Variants in TAS1R3 observed in about 807,000 individuals in gnomAD.
The protein encoded by TAS1R3 is taste 1 receptor member 3.
Under a neutral mutation model 46.1 loss-of-function variants are expected in TAS1R3, and 58 were observed. The observed-to-expected ratio is 1.26, with a 90% CI of 1.02 to 1.57. The LOEUF (loss-of-function observed/expected upper bound fraction) is 1.57. Ranked by LOEUF, TAS1R3 falls within the 40% of genes most tolerant of loss-of-function variation. TAS1R3 has a pLI of 0.00. For synonymous variants in TAS1R3, 724 were observed against 544.7 expected, an observed-to-expected ratio of 1.33 and a Z score of -4.58; for missense variants, 1,422 against 1,185.8, an observed-to-expected ratio of 1.20 and a Z score of -2.93.
rs1159295345 is a variant in TAS1R3 at position 1,333,258 on chromosome 1, G to C, written c.1480-1G>C. ...GAGCCAGACCCCAGGCCTGTGCGCA[G>C]AAGCCCGTGTCCCGGTGCTCGCGGC... On this transcript the variant is annotated splice_acceptor_variant, in intron 4 of 5. Coordinates refer to ENST00000339381, the MANE Select transcript of TAS1R3 (RefSeq NM_152228.3). LOFTEE classifies it high-confidence loss of function. 6.3e-7 allele frequency: 1 copy of C among 1,599,086 alleles called. No individual in the cohort carries two copies. Among genetic ancestry groups the C allele is most frequent in the Non-Finnish European group, 8.5e-7 (1 of 1,175,036 alleles).
rs757564143 is a variant in TAS1R3 at position 1,332,606 on chromosome 1, C to G, written c.1075C>G (p.Gln359Glu). The change falls in exon 3 of 6, where the codon CAG becomes GAG. Residue 359 changes from glutamine (Q) to glutamate (E), a missense_variant. Coordinates refer to ENST00000339381, the MANE Select transcript of TAS1R3 (RefSeq NM_152228.3). ...AFCSALGERE[Q>E]GLEEDVVGQR... ...CTGCTCTGCCCTGGGCGAGAGGGAG[C>G]AGGGTCTGGAGGAGGACGTGGTGGG... is the stretch of plus-strand genomic sequence containing the variant. The G allele has an allele frequency of 6.2e-7, 1 of 1,610,866 alleles. No homozygotes were observed. Among genetic ancestry groups the G allele is most frequent in the Non-Finnish European group, 8.5e-7 (1 of 1,179,896 alleles).
chr1:1,334,258 G>A lies in TAS1R3; in HGVS notation c.2353G>A (p.Val785Met), dbSNP rs1451976207. The A allele has an allele frequency of 3.7e-6, 6 of 1,611,912 alleles. No individual in the cohort carries two copies. The highest frequency in any genetic ancestry group is 1.7e-5 in the Admixed American group (1 of 59,902). The change falls in exon 6 of 6, where the codon GTG becomes ATG. Residue 785 changes from valine to methionine, a missense_variant. By Grantham distance (21) the Val-to-Met change is conservative. Transcript: ENST00000339381. ...CTCCTTTGTGCCCCTCCTGGCCAATGTGCAGGTGGTCCTCAGGCCCGCCGT... is the reference window on the plus strand; with the variant it reads ...CTCCTTTGTGCCCCTCCTGGCCAATATGCAGGTGGTCCTCAGGCCCGCCGT... ...WVSFVPLLANVQVVLRPAVQM... is the reference protein window; with the variant it reads ...WVSFVPLLANMQVVLRPAVQM...
rs751649887 is a variant in TAS1R3 at position 1,331,746 on chromosome 1, T to C, written c.300T>C (p.Phe100=). Residue 100 remains phenylalanine (F), a synonymous_variant, in exon 2 of 6, where the codon TTT becomes TTC. Transcript: ENST00000339381. ...GGCTGCGCCTGGGCTACGACCTCTT[T>C]GATACGTGCTCGGAGCCTGTGGTGG... ...LPGLRLGYDL[F]DTCSEPVVAM... The C allele has an allele frequency of 1.9e-6, 3 of 1,612,920 alleles. No individual in the cohort carries two copies. In the South Asian group the frequency reaches 3.3e-5, roughly 18 times the overall value.
rs1643515717 is a variant in TAS1R3 at position 1,334,615 on chromosome 1, G to A, written c.*151G>A. ...ACCCTGACCCCACAGTGAGCCCTAGGCCTGGAGCACGTGGACACCCCTGTG... is the reference window on the plus strand; with the variant it reads ...ACCCTGACCCCACAGTGAGCCCTAGACCTGGAGCACGTGGACACCCCTGTG... On this transcript the variant is annotated 3_prime_UTR_variant, in exon 6 of 6. Coordinates refer to ENST00000339381, the MANE Select transcript of TAS1R3 (RefSeq NM_152228.3). 2 of 880,712 alleles carry A rather than the reference G, an allele frequency of 2.3e-6. No individual in the cohort carries two copies. The highest frequency in any genetic ancestry group is 5.9e-5 in the Admixed American group (2 of 33,826). The allele number at this position is 880,712 out of a possible 1,614,324, so 54.6% of individuals were successfully genotyped here. A position where few individuals can be genotyped will look rare whatever the true frequency, so the allele number is the denominator to read the frequency against.
At position 1,333,840 on chromosome 1, in the gene TAS1R3, G is replaced by A. The variant is rs772117696; in HGVS notation, c.1935G>A (p.Thr645=). The change falls in exon 6 of 6, where the codon ACG becomes ACA. Residue 645 remains threonine, a synonymous_variant. Transcript: ENST00000339381. ...AQQPLSHLPL[T]GCLSTLFLQA... is the part of the protein sequence containing the mutation. Reference sequence around the variant, plus strand: ...AGCCCTTGTCCCACCTCCCGCTCACGGGCTGCCTGAGCACACTCTTCCTGC... The same window carrying A: ...AGCCCTTGTCCCACCTCCCGCTCACAGGCTGCCTGAGCACACTCTTCCTGC... 1.3e-4 allele frequency: 205 copies of A among 1,600,270 alleles called. 1 individual carries two copies. The highest frequency in any genetic ancestry group is 1.7e-4 in the Non-Finnish European group (195 of 1,179,662).
Position 1,332,442 on chromosome 1 carries a change from T to A in TAS1R3, c.911T>A (p.Leu304Gln), listed in dbSNP as rs1386971392. Reference protein sequence around the residue: ...PKVWVASEAWLTSDLVMGLPG... With the variant: ...PKVWVASEAWQTSDLVMGLPG... ...GTGTGGGTGGCCAGCGAGGCCTGGCTGACCTCTGACCTGGTCATGGGGCTG... is the reference window on the plus strand; with the variant it reads ...GTGTGGGTGGCCAGCGAGGCCTGGCAGACCTCTGACCTGGTCATGGGGCTG... Residue 304 changes from leucine (L) to glutamine (Q), a missense_variant, in exon 3 of 6, where the codon CTG (leucine) becomes CAG (glutamine). Leu to Gln is a moderately radical substitution (Grantham distance 113, BLOSUM62 -2). Transcript: ENST00000339381. 55 of 1,608,452 alleles carry A rather than the reference T, an allele frequency of 3.4e-5. No homozygotes were observed. Among genetic ancestry groups the A allele is most frequent in the Non-Finnish European group, 4.5e-5 (53 of 1,179,226 alleles).
At position 1,331,354 on chromosome 1, in the gene TAS1R3, C is replaced by A. The variant is rs764184817; in HGVS notation, c.9C>A (p.Gly3=). 1.3e-6 allele frequency: 2 copies of A among 1,583,018 alleles called. No individual in the cohort carries two copies. Among genetic ancestry groups the A allele is most frequent in the Admixed American group, 1.9e-5 (1 of 53,460 alleles). ML[G]PAVLGLSLWA... ...TGGAAGTTGCCTCTGCCATGCTGGGCCCTGCTGTCCTGGGCCTCAGCCTCT... is the reference window on the plus strand; with the variant it reads ...TGGAAGTTGCCTCTGCCATGCTGGGACCTGCTGTCCTGGGCCTCAGCCTCT... The change falls in exon 1 of 6, where the codon GGC becomes GGA. Residue 3 remains glycine, a synonymous_variant. Transcript: ENST00000339381.
At position 1,333,450 on chromosome 1, in the gene TAS1R3, G is replaced by A. The variant is rs918559025; in HGVS notation, c.1601-56G>A. On this transcript the variant is annotated intron_variant, in intron 5 of 5. Transcript: ENST00000339381. Reference sequence around the variant, plus strand: ...GGGTCCTGCCAAGTCCTGACTCTGAGACCAGAGCCCACAGGGTACAAGACG... The same window carrying A: ...GGGTCCTGCCAAGTCCTGACTCTGAAACCAGAGCCCACAGGGTACAAGACG... 4.0e-5 allele frequency: 65 copies of A among 1,605,452 alleles called. No individual in the cohort carries two copies. In the South Asian group the frequency reaches 4.5e-4, roughly 11 times the overall value.
In TAS1R3 at chr1:1,332,637, G is replaced by A. The variant is rs143359998; in HGVS notation, c.1106G>A (p.Arg369His). ...QGLEEDVVGQ[R>H]CPQCDCITLQ... ...CTGGAGGAGGACGTGGTGGGCCAGC[G>A]CTGCCCGCAGTGTGACTGCATCACG... Residue 369 changes from arginine to histidine, a missense_variant, in exon 3 of 6, where the codon CGC (arginine) becomes CAC (histidine). Arg to His is a conservative substitution (Grantham distance 29, BLOSUM62 0). Coordinates refer to ENST00000339381, the MANE Select transcript of TAS1R3 (RefSeq NM_152228.3). 5.1e-4 allele frequency: 823 copies of A among 1,608,432 alleles called. 1 individual carries two copies. The African/African-American group carries it at 7.3e-3, about 14-fold the overall frequency.
At position 1,332,225 on chromosome 1, in the gene TAS1R3, G is replaced by T; in HGVS notation, c.694G>T (p.Ala232Ser). 1 of 1,592,604 alleles carries T rather than the reference G, an allele frequency of 6.3e-7. No homozygotes were observed. The highest frequency in any genetic ancestry group is 8.5e-7 in the Non-Finnish European group (1 of 1,175,540). ...GAGCATCTTCTCGGCCCTGGCCGCGGCACGCGGCATCTGCATCGCGCACGA... is the reference window on the plus strand; with the variant it reads ...GAGCATCTTCTCGGCCCTGGCCGCGTCACGCGGCATCTGCATCGCGCACGA... ...GLSIFSALAAARGICIAHEGL... is the reference protein window; with the variant it reads ...GLSIFSALAASRGICIAHEGL... The change falls in exon 3 of 6, where the codon GCA (alanine) becomes TCA (serine). Residue 232 changes from alanine to serine, a missense_variant. Transcript: ENST00000339381.
At position 1,334,240 on chromosome 1, in the gene TAS1R3, G is replaced by T; in HGVS notation, c.2335G>T (p.Val779Leu). ...CTACTTCATCACCTGGGTCTCCTTT[G>T]TGCCCCTCCTGGCCAATGTGCAGGT... ...LAYFITWVSFVPLLANVQVVL... is the reference protein window; with the variant it reads ...LAYFITWVSFLPLLANVQVVL... The change falls in exon 6 of 6, where the codon GTG becomes TTG. Residue 779 changes from valine to leucine, a missense_variant. Val to Leu is a conservative substitution (Grantham distance 32, BLOSUM62 1). Transcript: ENST00000339381. 1 of 1,611,524 alleles carries T rather than the reference G, an allele frequency of 6.2e-7. No homozygotes were observed. The highest frequency in any genetic ancestry group is 8.5e-7 in the Non-Finnish European group (1 of 1,179,468).
rs369354921 is a variant in TAS1R3, at chr1:1,331,720, G to A, written c.274G>A (p.Gly92Arg). Residue 92 changes from glycine (G) to arginine (R), a missense_variant, in exon 2 of 6, where the codon GGG (glycine) becomes AGG (arginine). Transcript: ENST00000339381. The part of the protein sequence containing the change: ...EINNKSDLLP[G>R]LRLGYDLFDT... Reference sequence around the variant, plus strand: ...CAACAACAAGTCGGATCTGCTGCCCGGGCTGCGCCTGGGCTACGACCTCTT... The same window carrying A: ...CAACAACAAGTCGGATCTGCTGCCCAGGCTGCGCCTGGGCTACGACCTCTT... The A allele has an allele frequency of 4.2e-5, 68 of 1,612,958 alleles. No homozygotes were observed. In the Middle Eastern group the frequency reaches 4.9e-4, roughly 12 times the overall value.
chr1:1,331,426 G>T lies in TAS1R3; in HGVS notation c.81G>T (p.Gln27His), dbSNP rs969315845. The part of the protein sequence containing the change: ...PGTGAPLCLS[Q>H]QLRMKGDYVL... Reference sequence around the variant, plus strand: ...CGGGGGCCCCATTGTGCCTGTCACAGCAACTTAGGATGAAGGGGGACTACG... The same window carrying T: ...CGGGGGCCCCATTGTGCCTGTCACATCAACTTAGGATGAAGGGGGACTACG... Residue 27 changes from glutamine (Q) to histidine (H), a missense_variant, in exon 1 of 6, where the codon CAG becomes CAT. Transcript: ENST00000339381. 1.2e-6 allele frequency: 2 copies of T among 1,605,744 alleles called. No individual in the cohort carries two copies. Among genetic ancestry groups the T allele is most frequent in the Non-Finnish European group, 1.7e-6 (2 of 1,177,048 alleles).
chr1:1,331,669 G>A lies in TAS1R3; in HGVS notation c.223G>A (p.Ala75Thr), dbSNP rs773909007. ...CTCAAACGGCCTGCTCTGGGCACTG[G>A]CCATGAAAATGGCCGTGGAGGAGAT... ...FSSNGLLWAL[A>T]MKMAVEEINN... Residue 75 changes from alanine (A) to threonine (T), a missense_variant, in exon 2 of 6, where the codon GCC becomes ACC. Ala to Thr is a moderately conservative substitution (Grantham distance 58, BLOSUM62 0). Coordinates refer to ENST00000339381, the MANE Select transcript of TAS1R3 (RefSeq NM_152228.3). The A allele has an allele frequency of 1.9e-5, 31 of 1,612,728 alleles. No homozygotes were observed. Among genetic ancestry groups the A allele is most frequent in the South Asian group, 3.3e-5 (3 of 91,080 alleles).
Position 1,333,255 on chromosome 1 carries a change from G to T in TAS1R3, c.1480-4G>T. On this transcript the variant is annotated splice_region_variant and splice_polypyrimidine_tract_variant and intron_variant, in intron 4 of 5. Coordinates refer to ENST00000339381, the MANE Select transcript of TAS1R3 (RefSeq NM_152228.3). ...GCAGAGCCAGACCCCAGGCCTGTGC[G>T]CAGAAGCCCGTGTCCCGGTGCTCGC... is the stretch of plus-strand genomic sequence containing the variant. The T allele has an allele frequency of 6.3e-7, 1 of 1,598,076 alleles. No individual in the cohort carries two copies. The highest frequency in any genetic ancestry group is 2.3e-5 in the East Asian group (1 of 44,180).
Position 1,333,270 on chromosome 1 carries a change from C to G in TAS1R3, c.1491C>G (p.Ser497=), listed in dbSNP as rs760696492. 3.1e-6 allele frequency: 5 copies of G among 1,597,556 alleles called. No homozygotes were observed. Among genetic ancestry groups the G allele is most frequent in the Non-Finnish European group, 4.3e-6 (5 of 1,173,686 alleles). The change falls in exon 5 of 6, where the codon TCC becomes TCG. Residue 497 remains serine (S), a synonymous_variant. Transcript: ENST00000339381. Reference sequence around the variant, plus strand: ...AGGCCTGTGCGCAGAAGCCCGTGTCCCGGTGCTCGCGGCAGTGCCAGGAGG... The same window carrying G: ...AGGCCTGTGCGCAGAAGCCCGTGTCGCGGTGCTCGCGGCAGTGCCAGGAGG... ...WHTSDNQKPV[S]RCSRQCQEGQ...
Position 1,333,998 on chromosome 1 carries a change from G to T in TAS1R3, c.2093G>T (p.Trp698Leu), listed in dbSNP as rs1373729527. The change falls in exon 6 of 6, where the codon TGG becomes TTG. Residue 698 changes from tryptophan to leucine, a missense_variant. Physicochemically the swap from Trp to Leu is moderately conservative, Grantham distance 61. Transcript: ENST00000339381. ...AMLVEVALCT[W>L]YLVAFPPEVV... ...CTGGTGGAGGTCGCACTGTGCACCT[G>T]GTACCTGGTGGCCTTCCCGCCGGAG... is the stretch of plus-strand genomic sequence containing the variant. 3.1e-6 allele frequency: 5 copies of T among 1,600,128 alleles called. No individual in the cohort carries two copies. Among genetic ancestry groups the T allele is most frequent in the Non-Finnish European group, 4.2e-6 (5 of 1,179,780 alleles).
In TAS1R3 at chr1:1,332,533, C is replaced by T. The variant is rs1392097192; in HGVS notation, c.1002C>T (p.Phe334=). 6.2e-7 allele frequency: 1 copy of T among 1,611,610 alleles called. No individual in the cohort carries two copies. ...AGAGGGGTGCCCAGCTGCACGAGTT[C>T]CCCCAGTACGTGAAGACGCACCTGG... ...FLQRGAQLHE[F]PQYVKTHLAL... is the part of the protein sequence containing the mutation. The change falls in exon 3 of 6, where the codon TTC becomes TTT. Residue 334 remains phenylalanine, a synonymous_variant. Transcript: ENST00000339381.
Position 1,334,238 on chromosome 1 carries a change from T to C in TAS1R3, c.2333T>C (p.Phe778Ser). ...GCCTACTTCATCACCTGGGTCTCCT[T>C]TGTGCCCCTCCTGGCCAATGTGCAG... ...MLAYFITWVS[F>S]VPLLANVQVV... The change falls in exon 6 of 6, where the codon TTT (phenylalanine) becomes TCT (serine). Residue 778 changes from phenylalanine to serine, a missense_variant. Coordinates refer to ENST00000339381, the MANE Select transcript of TAS1R3 (RefSeq NM_152228.3). 1 of 1,611,436 alleles carries C rather than the reference T, an allele frequency of 6.2e-7. No homozygotes were observed. Among genetic ancestry groups the C allele is most frequent in the Non-Finnish European group, 8.5e-7 (1 of 1,179,430 alleles).
Sources: gnomAD v4.1 joint callset for allele counts on GRCh38, gnomAD v4.1.1 for gene constraint, MANE v1.5 for transcripts, NCBI Gene and HGNC (gene_info 2026-07-23, HGNC 2026-07-21) for gene names.